Variants in SCN9A observed in about 807,000 individuals in gnomAD.
The protein encoded by SCN9A is sodium voltage-gated channel alpha subunit 9, also known as sodium channel protein type 9 subunit alpha.
A neutral mutation model predicts 187.0 loss-of-function variants in SCN9A; 131 were observed. That is an observed-to-expected ratio of 0.70 (90% CI 0.61 to 0.81). The LOEUF (loss-of-function observed/expected upper bound fraction) is 0.81, where lower values mean the gene tolerates loss of function less well. Among genes scored for constraint, SCN9A ranks in the 30% least tolerant of loss-of-function variants. SCN9A has a pLI of 0.00. For missense variants in SCN9A, 2,252 were observed against 2,396.6 expected (o/e 0.94, Z 1.26); for synonymous variants, 809 against 808.6 (o/e 1.00, Z -0.01).
At chr2:166,199,937 G>C (rs1380748669) in intron 26 of SCN9A, 73 bp from the exon 27 acceptor site, 2 of 653,780 alleles carry the variant, frequency 3.1e-6, no homozygotes, top group African/African-American at 2.3e-5. Flanking sequence ...ACTCTAAACA[G>C]TTTTATCTGT....
chr2:166,241,000 C>A (rs1307574234), intron 19 of SCN9A, among the ~76,000 whole-genome samples: 2 of 152,062 alleles, frequency 1.3e-5, no homozygotes, highest in African/African-American at 4.8e-5. Context: ...AAAGGGGGAA[C>A]CAACAGAAAC....
chr2:166,264,970 T>C (rs770024086), intron 17 of SCN9A, among the ~76,000 whole-genome samples: 1 of 151,982 alleles, frequency 6.6e-6, no homozygotes, highest in Admixed American at 6.6e-5. Flanking sequence ...ATTTATGGGG[T>C]ACATGTGATA....
intron 10 of SCN9A, 49 bp from the exon 11 acceptor site, chr2:166,286,672 A>T: frequency 7.0e-7 from 1 of 1,420,182 alleles, no homozygotes. Context: ...TCCAAATCCT[A>T]GGAAACCCTA....
chr2:166,319,790 G>T (rs1463973865), intron 1 of SCN9A, among the ~76,000 whole-genome samples: 1 of 152,030 alleles, frequency 6.6e-6, no homozygotes, highest in Non-Finnish European at 1.5e-5. Flanking sequence ...AAAAGTAATG[G>T]AATAGCTTAC....
chr2:166,254,967 T>G (rs1696202895), intron 17 of SCN9A, among the ~76,000 whole-genome samples: 1 of 151,480 alleles, frequency 6.6e-6, no homozygotes, highest in African/African-American at 2.4e-5. Context: ...TGACTGTGCC[T>G]TCTAAAAGTG....
intron 17 of SCN9A, among the ~76,000 whole-genome samples, chr2:166,256,310 T>A (rs760471756): frequency 1.3e-5 from 2 of 151,414 alleles, no homozygotes; most frequent in African/African-American, 2.4e-5. Flanking sequence ...ATGATTTAGA[T>A]TTCTGGGCCC....
At chr2:166,271,476 A>T (rs1341180334) in intron 17 of SCN9A, among the ~76,000 whole-genome samples, 3 of 152,038 alleles carry the variant, frequency 2.0e-5, no homozygotes, top group Non-Finnish European at 1.5e-5. Context: ...TACAGGTAAA[A>T]ATCTATGGGT....
intron 20 of SCN9A, among the ~76,000 whole-genome samples, chr2:166,236,494 C>G (rs1695324954): frequency 6.6e-6 from 1 of 152,188 alleles, no homozygotes; most frequent in Admixed American, 6.5e-5. Context: ...GATCTCGACT[C>G]ACTGAAACCT....
At chr2:166,290,175 T>TC (rs1474278752) in intron 9 of SCN9A, among the ~76,000 whole-genome samples, 1 of 152,168 alleles carries the variant, frequency 6.6e-6, no homozygotes, top group African/African-American at 2.4e-5. Context: ...TGTTTGGTTT[T>TC]CTCTTCCTGT....
chr2:166,251,965 CAG>C (rs1696062313), intron 17 of SCN9A, 80 bp from the exon 18 acceptor site: 1 of 1,469,820 alleles, frequency 6.8e-7, no homozygotes, highest in Admixed American at 1.9e-5. Context: ...ATTTAATAAT[CAG>C]ACTCATGCAA....
At chr2:166,228,247 CTTTTTTT>C (rs33924683) in intron 22 of SCN9A, among the ~76,000 whole-genome samples, 6 of 85,972 alleles carry the variant, frequency 7.0e-5, no homozygotes, top group African/African-American at 1.4e-4. Flanking sequence ...AAGACCAACA[CTTTTTTT>C]TTTTTTTTTT....
chr2:166,239,269 G>C (rs941599203), intron 19 of SCN9A, among the ~76,000 whole-genome samples: 1 of 149,248 alleles, frequency 6.7e-6, no homozygotes, highest in Non-Finnish European at 1.5e-5. Flanking sequence ...GAAAATGATT[G>C]CTGATCTCAA....
intron 18 of SCN9A, among the ~76,000 whole-genome samples, chr2:166,247,764 T>C (rs1248563854): frequency 6.6e-6 from 1 of 152,126 alleles, no homozygotes; most frequent in African/African-American, 2.4e-5. Context: ...AAAAAGGTTA[T>C]TTTTCGCTAA....
At chr2:166,209,029 G>A (rs1324776727) in intron 24 of SCN9A, among the ~76,000 whole-genome samples, 1 of 152,174 alleles carries the variant, frequency 6.6e-6, no homozygotes, top group Non-Finnish European at 1.5e-5. Context: ...ATGGAGCACT[G>A]AAAGAACCAG....
intron 1 of SCN9A, among the ~76,000 whole-genome samples, chr2:166,334,056 ATAAG>A (rs1205436604): frequency 2.6e-5 from 4 of 152,138 alleles, no homozygotes; most frequent in Non-Finnish European, 2.9e-5. Context: ...TGAGCAAGAA[ATAAG>A]TAGTCTTTAC....
At chr2:166,342,928 C>T (rs1699820043) in intron 1 of SCN9A, among the ~76,000 whole-genome samples, 1 of 152,142 alleles carries the variant, frequency 6.6e-6, no homozygotes. Flanking sequence ...GCAAACATGT[C>T]CCTGTCCATC....
chr2:166,251,815 GCTT>G lies in SCN9A; in HGVS notation c.3419_3421del (p.Glu1140del), dbSNP rs1185000025. On this transcript the variant is annotated inframe_deletion, in exon 18 of 27. Transcript: ENST00000642356. ...ATCGGAATTCATAGGTTCAGCCTCT[GCTT>G]CTTCTCCTTCTCCAGGCAAAGGGTT... 7 of 1,612,656 alleles carry G rather than the reference GCTT, an allele frequency of 4.3e-6. No individual in the cohort carries two copies. In the South Asian group the frequency reaches 6.6e-5, roughly 15 times the overall value.
intron 23 of SCN9A, among the ~76,000 whole-genome samples, chr2:166,227,461 T>C (rs1049906887): frequency 1.3e-5 from 2 of 152,170 alleles, no homozygotes; most frequent in Admixed American, 1.3e-4. Flanking sequence ...AAGTCAGTTG[T>C]AGAGCTTGGA....
chr2:166,208,145 C>T (rs1182324116), intron 24 of SCN9A, among the ~76,000 whole-genome samples: 1 of 152,074 alleles, frequency 6.6e-6, no homozygotes, highest in African/African-American at 2.4e-5. Context: ...CCTTTAAAAC[C>T]TAGGTGGAAG....
Sources: allele counts gnomAD v4.1 joint callset (sites outside exome capture counted in the v4.1 genomes callset), GRCh38; gene constraint gnomAD v4.1.1; transcripts MANE v1.5; gene names NCBI Gene and HGNC (gene_info 2026-07-23, HGNC 2026-07-21).